Variants in THSD4 observed in about 807,000 individuals in gnomAD.
THSD4 encodes the protein thrombospondin type 1 domain containing 4, also known as thrombospondin type-1 domain-containing protein 4.
In THSD4, 69 loss-of-function variants were observed where a neutral mutation model predicts 119.0. The observed-to-expected ratio is 0.58, with a 90% CI of 0.48 to 0.71. The LOEUF (loss-of-function observed/expected upper bound fraction) is 0.71, where lower values mean the gene tolerates loss of function less well. Ranked by LOEUF, THSD4 falls within the 30% of genes least tolerant of loss-of-function variation. The pLI is 0.00. For missense variants in THSD4, 1,393 were observed against 1,391.1 expected, an observed-to-expected ratio of 1.00 and a Z score of -0.02; for synonymous variants, 524 against 540.4, an observed-to-expected ratio of 0.97 and a Z score of 0.42.
intron 6 of THSD4, among the ~76,000 whole-genome samples, chr15:71,349,844 A>G (rs1390673680): frequency 6.6e-6 from 1 of 152,100 alleles, no homozygotes; most frequent in East Asian, 1.9e-4. Flanking sequence ...ACAGAGATTC[A>G]GTGTGGGCCC....
chr15:71,747,183 T>G, intron 13 of THSD4, 141 bp downstream of exon 13: 1 of 940,726 alleles, frequency 1.1e-6, no homozygotes, highest in Non-Finnish European at 1.6e-6. Context: ...GACGGCTGTT[T>G]TTGCAAACCA....
chr15:71,116,612 A>G (rs899754589), intron 1 of THSD4, among the ~76,000 whole-genome samples: 1 of 152,150 alleles, frequency 6.6e-6, no homozygotes, highest in Non-Finnish European at 1.5e-5. Context: ...TTTTCGGGCT[A>G]TGAGTCTAAA....
chr15:71,338,032 C>T (rs1012456271), intron 6 of THSD4, among the ~76,000 whole-genome samples: 1 of 152,176 alleles, frequency 6.6e-6, no homozygotes, highest in South Asian at 2.1e-4. Context: ...GAATTGTGCT[C>T]ATATTTTTCT....
chr15:71,307,938 T>G (rs983916399), intron 6 of THSD4, among the ~76,000 whole-genome samples: 1 of 152,208 alleles, frequency 6.6e-6, no homozygotes, highest in Non-Finnish European at 1.5e-5. Context: ...ATGTGCTTAA[T>G]TCTCCCAGCA....
intron 1 of THSD4, among the ~76,000 whole-genome samples, chr15:71,133,944 G>A (rs550660319): frequency 1.3e-5 from 2 of 152,274 alleles, no homozygotes; most frequent in South Asian, 4.1e-4. Context: ...GGAGAAGCAC[G>A]GTGTTTTCCT....
At chr15:71,254,432 G>A (rs1456738306) in intron 5 of THSD4, among the ~76,000 whole-genome samples, 1 of 152,156 alleles carries the variant, frequency 6.6e-6, no homozygotes, top group South Asian at 2.1e-4. Flanking sequence ...TGGGGCTTGG[G>A]CGTGGCCCTT....
chr15:71,272,305 G>T (rs1011497799), intron 6 of THSD4, among the ~76,000 whole-genome samples: 1 of 140,306 alleles, frequency 7.1e-6, no homozygotes, highest in Non-Finnish European at 1.5e-5. Context: ...GGAGGCCAAA[G>T]CCGAATTGCT....
chr15:71,403,921 A>G (rs1346583546), intron 6 of THSD4, among the ~76,000 whole-genome samples: 1 of 152,172 alleles, frequency 6.6e-6, no homozygotes, highest in Non-Finnish European at 1.5e-5. Context: ...ATGAAACAGT[A>G]ACAGGATAAC....
chr15:71,729,786 G>GTTCTGCAAATGCCATTGAAACC lies in THSD4; in HGVS notation c.1533+1062_1533+1063insTTCTGCAAATGCCATTGAAACC. On this transcript the variant is annotated intron_variant, in intron 9 of 17. Coordinates refer to ENST00000261862, the MANE Select transcript of THSD4 (RefSeq NM_024817.3). ...GGTTTTGCACTGGCAGAATGCTCAGGCAGAAGAGGCACCAGAGAGGGAGGG... is the reference window on the plus strand; with the variant it reads ...GGTTTTGCACTGGCAGAATGCTCAGGTTCTGCAAATGCCATTGAAACCCAGAAGAGGCACCAGAGAGGGAGGG... The GTTCTGCAAATGCCATTGAAACC allele has an allele frequency of 1.3e-5, 2 of 152,208 alleles. 1 individual carries two copies. The highest frequency in any genetic ancestry group is 3.9e-4 in the East Asian group (2 of 5,164). 9.4% of individuals were successfully genotyped at this position (152,208 alleles called of 1,614,324 possible).
In THSD4 at chr15:71,441,214, G is replaced by A. The variant is rs142615067; in HGVS notation, c.1152+29391G>A. Among the ~76,000 whole-genome samples, 460 of 134,022 alleles carry A rather than the reference G, an allele frequency of 3.4e-3. 1 individual carries two copies. Among genetic ancestry groups the A allele is most frequent in the Middle Eastern group, 0.011 (3 of 270 alleles). The allele number at this position is 134,022 out of a possible 152,430, so 87.9% of individuals were successfully genotyped here. On this transcript the variant is annotated intron_variant, in intron 7 of 17. Transcript: ENST00000261862. ...TGATGGGTAATGGTGATGGTGATGC[G>A]GGGATGTGTCTGGGAAGTCATTTGC... is the stretch of plus-strand genomic sequence containing the variant.
intron 3 of THSD4, among the ~76,000 whole-genome samples, chr15:71,210,963 A>T (rs536567368): frequency 1.3e-5 from 2 of 152,228 alleles, no homozygotes; most frequent in Non-Finnish European, 2.9e-5. Context: ...ATATAACTTT[A>T]TATAGTATTT....
At chr15:71,145,424 T>C (rs1173975456) in intron 2 of THSD4, among the ~76,000 whole-genome samples, 1 of 152,164 alleles carries the variant, frequency 6.6e-6, no homozygotes, top group Non-Finnish European at 1.5e-5. Flanking sequence ...AAGGGTTTTA[T>C]AGGTTGATGG....
At chr15:71,702,243 A>T (rs1252378272) in intron 8 of THSD4, among the ~76,000 whole-genome samples, 3 of 152,218 alleles carry the variant, frequency 2.0e-5, no homozygotes, top group Non-Finnish European at 4.4e-5. Flanking sequence ...GGGACCAGGG[A>T]AAGACAGGAG....
intron 6 of THSD4, among the ~76,000 whole-genome samples, chr15:71,327,128 C>T (rs1294654221): frequency 1.3e-5 from 2 of 152,106 alleles, no homozygotes; most frequent in African/African-American, 2.4e-5. Context: ...GGTCACACCA[C>T]TGCACTCCAG....
At chr15:71,469,720 C>T (rs931541932) in intron 7 of THSD4, among the ~76,000 whole-genome samples, 11 of 152,326 alleles carry the variant, frequency 7.2e-5, no homozygotes, top group African/African-American at 2.6e-4. Context: ...GTCTGGTGAT[C>T]TCCCTCCCCA....
chr15:71,737,526 G>A (rs1321020372), intron 10 of THSD4, among the ~76,000 whole-genome samples: 1 of 152,132 alleles, frequency 6.6e-6, no homozygotes, highest in Non-Finnish European at 1.5e-5. Context: ...TGCAGTGTTC[G>A]TCTTTGTCTT....
At chr15:71,491,313 C>T (rs535495923) in intron 7 of THSD4, among the ~76,000 whole-genome samples, 19 of 152,212 alleles carry the variant, frequency 1.2e-4, no homozygotes, top group South Asian at 2.1e-4. Context: ...TGTTTTTCCC[C>T]GTTGTTACAG....
chr15:71,545,600 G>C (rs971931174), intron 7 of THSD4, among the ~76,000 whole-genome samples: 1 of 152,136 alleles, frequency 6.6e-6, no homozygotes, highest in Non-Finnish European at 1.5e-5. Context: ...CAAGAACTTT[G>C]GCTTTCTTAA....
intron 7 of THSD4, among the ~76,000 whole-genome samples, chr15:71,552,243 C>T (rs1398629408): frequency 6.6e-6 from 1 of 152,152 alleles, no homozygotes; most frequent in African/African-American, 2.4e-5. Flanking sequence ...TGAAAGTTCT[C>T]AAAATTCTAG....
Sources: gnomAD v4.1 joint callset for allele counts (sites outside exome capture counted in the v4.1 genomes callset) on GRCh38, gnomAD v4.1.1 for gene constraint, MANE v1.5 for transcripts, NCBI Gene and HGNC (gene_info 2026-07-23, HGNC 2026-07-21) for gene names.